Variants in TRPA1 observed in about 807,000 individuals in gnomAD.
TRPA1 encodes ankyrin-like with transmembrane domains 1.
In TRPA1, 129 loss-of-function variants were observed where a neutral mutation model predicts 131.3. That is an observed-to-expected ratio of 0.98 (90% CI 0.85 to 1.14). The LOEUF (loss-of-function observed/expected upper bound fraction) is 1.14. Ranked by LOEUF, TRPA1 falls within the 50% of genes most tolerant of loss-of-function variation. TRPA1 has a pLI of 0.00. For missense variants in TRPA1, 1,304 were observed against 1,354.2 expected (o/e 0.96, Z 0.58); for synonymous variants, 441 against 451.7 (o/e 0.98, Z 0.30).
the TRPA1 span, among the ~76,000 whole-genome samples, chr8:72,081,967 T>C: frequency 6.6e-6 from 1 of 151,944 alleles, no homozygotes; most frequent in Non-Finnish European, 1.5e-5. Flanking sequence ...TTACTCATTA[T>C]ATCATTGACA....
At position 72,060,251 on chromosome 8, in the gene TRPA1, T is replaced by C. The variant is rs995622124; in HGVS notation, c.945-813A>G. On this transcript the variant is annotated intron_variant, in intron 7 of 26. Coordinates refer to ENST00000262209, the MANE Select transcript of TRPA1 (RefSeq NM_007332.3). ...ATATATTAAGGCTGTGTTCTAAAGATACATTTAACAATAACCAAATCATTG... is the reference window on the plus strand; with the variant it reads ...ATATATTAAGGCTGTGTTCTAAAGACACATTTAACAATAACCAAATCATTG... 1.2e-4 allele frequency: 16 copies of C among 136,472 alleles called. No homozygotes were observed. The East Asian group carries it at 2.9e-3, about 24-fold the overall frequency. 8.5% of individuals were successfully genotyped at this position (136,472 alleles called of 1,614,324 possible). A position where few individuals can be genotyped will look rare whatever the true frequency, so the allele number is the denominator to read the frequency against.
At chr8:72,029,715 G>A (rs932456793) in intron 24 of TRPA1, 186 bp downstream of exon 24, 28 of 686,146 alleles carry the variant, frequency 4.1e-5, no homozygotes, top group East Asian at 1.1e-4. Flanking sequence ...CAGTGGCAGC[G>A]AGGAACAGAA....
intron 25 of TRPA1, among the ~76,000 whole-genome samples, chr8:72,025,105 CGT>C (rs71265963): frequency 0.019 from 2,336 of 119,840 alleles, 24 homozygotes; most frequent in African/African-American, 0.03. Context: ...TGTGTGTGTT[CGT>C]GTGTGTGTGT....
At chr8:72,047,355 T>C in intron 15 of TRPA1, 148 bp from the exon 16 acceptor site, 1 of 664,410 alleles carries the variant, frequency 1.5e-6, no homozygotes, top group Admixed American at 2.6e-5. Flanking sequence ...ATCTATGTCA[T>C]TCAGGAACAA....
intron 4 of TRPA1, among the ~76,000 whole-genome samples, chr8:72,064,061 TTA>T (rs1445060315): frequency 6.6e-6 from 1 of 152,066 alleles, no homozygotes; most frequent in African/African-American, 2.4e-5. Flanking sequence ...GAATGTTATA[TTA>T]TGTTTTCATG....
the TRPA1 span, among the ~76,000 whole-genome samples, chr8:72,083,243 T>A: frequency 6.6e-6 from 1 of 152,228 alleles, no homozygotes; most frequent in Non-Finnish European, 1.5e-5. Context: ...AACATCTTTA[T>A]ATTAGCTGAT....
At chr8:72,075,162 C>G in intron 1 of TRPA1, 137 bp downstream of exon 1, 1 of 720,622 alleles carries the variant, frequency 1.4e-6, no homozygotes, top group Non-Finnish European at 2.5e-6. Context: ...AGTAGGGTCA[C>G]CTCTTGGATT....
intron 10 of TRPA1, among the ~76,000 whole-genome samples, chr8:72,056,685 C>A (rs889669580): frequency 4.6e-5 from 7 of 152,138 alleles, no homozygotes; most frequent in African/African-American, 1.7e-4. Context: ...TATTAAGTTT[C>A]TTTGTAAGTT....
At chr8:72,036,550 C>G in intron 20 of TRPA1, 93 bp from the exon 21 acceptor site, 2 of 1,232,356 alleles carry the variant, frequency 1.6e-6, no homozygotes, top group Non-Finnish European at 1.2e-6. Flanking sequence ...ATTTTTCTAG[C>G]TTTGCAGCCA....
chr8:72,056,384 A>G (rs981332266), intron 10 of TRPA1: 2 of 166,622 alleles, frequency 1.2e-5, no homozygotes, highest in African/African-American at 2.4e-5. Context: ...ATATATTTTG[A>G]TTATTAAATA....
At chr8:72,067,824 G>T (rs1015078131) in intron 3 of TRPA1, among the ~76,000 whole-genome samples, 2 of 152,108 alleles carry the variant, frequency 1.3e-5, no homozygotes. Context: ...TCTTCAGGGA[G>T]CCACCCTGAC....
chr8:72,068,902 G>A, intron 3 of TRPA1, 121 bp downstream of exon 3: 1 of 981,398 alleles, frequency 1.0e-6, no homozygotes, highest in Non-Finnish European at 1.6e-6. Flanking sequence ...TGTAATAATT[G>A]CATTTTGTTT....
chr8:72,047,785 C>A (rs1805383680), intron 15 of TRPA1, among the ~76,000 whole-genome samples: 1 of 152,012 alleles, frequency 6.6e-6, no homozygotes, highest in Non-Finnish European at 1.5e-5. Flanking sequence ...CCTTATGATG[C>A]CTCATTATAT....
upstream of TRPA1, chr8:72,075,704 C>T (rs1806165946): frequency 2.2e-6 from 1 of 455,832 alleles, no homozygotes; most frequent in Admixed American, 3.4e-5. Context: ...GCCTTGGACT[C>T]GCCCCTTCAG....
intron 13 of TRPA1, chr8:72,053,507 T>C: frequency 3.9e-6 from 2 of 518,046 alleles, no homozygotes; most frequent in Non-Finnish European, 7.0e-6. Context: ...CAAATTTCAT[T>C]GGCCTGTGGA....
At chr8:72,024,556 C>T (rs1217206054) in intron 25 of TRPA1, among the ~76,000 whole-genome samples, 2 of 152,106 alleles carry the variant, frequency 1.3e-5, no homozygotes, top group South Asian at 2.1e-4. Context: ...GGCTGGATTG[C>T]ACAGGCTAAT....
intron 25 of TRPA1, 83 bp downstream of exon 25, chr8:72,025,877 A>G (rs1811587020): frequency 8.4e-7 from 1 of 1,187,374 alleles, no homozygotes; most frequent in Admixed American, 1.8e-5. Context: ...AAGTCTATAA[A>G]AGGGCCCCCT....
rs912825607 is a variant in TRPA1, at chr8:72,022,789, T to C, written c.*117A>G. On this transcript the variant is annotated 3_prime_UTR_variant, in exon 27 of 27. Coordinates refer to ENST00000262209, the MANE Select transcript of TRPA1 (RefSeq NM_007332.3). ...ACTTTTATACAGCATGCAGGAACCA[T>C]GATTTCACACGCAGCAAAATGAATC... The C allele has an allele frequency of 4.7e-5, 45 of 961,064 alleles. No individual in the cohort carries two copies. The Middle Eastern group carries it at 6.4e-4, about 14-fold the overall frequency. 59.5% of individuals were successfully genotyped at this position (961,064 alleles called of 1,614,324 possible). A position where few individuals can be genotyped will look rare whatever the true frequency, so the allele number is the denominator to read the frequency against.
intron 15 of TRPA1, among the ~76,000 whole-genome samples, chr8:72,050,377 G>A (rs1805470803): frequency 6.6e-6 from 1 of 152,094 alleles, no homozygotes; most frequent in African/African-American, 2.4e-5. Flanking sequence ...CTAGATATTT[G>A]GAGGAAAATA....
Sources: gnomAD v4.1 joint callset for allele counts (sites outside exome capture counted in the v4.1 genomes callset) on GRCh38, gnomAD v4.1.1 for gene constraint, MANE v1.5 for transcripts, NCBI Gene and HGNC (gene_info 2026-07-23, HGNC 2026-07-21) for gene names.